The following ALDH1A2 variants were observed in gnomAD, a reference collection of about 807,000 sequenced individuals.
ALDH1A2 encodes the protein aldehyde dehydrogenase 1 family member A2, also known as retinal dehydrogenase 2.
ALDH1A2 carries 27 observed loss-of-function variants against 60.3 expected under a neutral mutation model. The observed-to-expected ratio is 0.45, with a 90% CI of 0.33 to 0.62. ALDH1A2 has a LOEUF of 0.62. ALDH1A2 is among the 20% of genes least tolerant of loss of function. The pLI, the probability that ALDH1A2 is intolerant of heterozygous loss-of-function variation, is 0.02. For missense variants in ALDH1A2, 581 were observed against 643.8 expected (o/e 0.90, Z 1.06); for synonymous variants, 289 against 232.4 (o/e 1.24, Z -2.21).
Position 57,967,607 on chromosome 15 carries a change from T to G in ALDH1A2, c.799-1780A>C, listed in dbSNP as rs7171189. ...ACTCTGCCTCCTCCTAAAAAAGATT[T>G]TGAAAATGTATCCCCATCCTGAGAA... On this transcript the variant is annotated intron_variant, in intron 7 of 12. Coordinates refer to ENST00000249750, the MANE Select transcript of ALDH1A2 (RefSeq NM_003888.4). Among the ~76,000 whole-genome samples the G allele has an allele frequency of 2.4e-3, 373 of 152,274 alleles. 1 individual carries two copies. Among genetic ancestry groups the G allele is most frequent in the African/African-American group, 8.6e-3 (357 of 41,540 alleles).
intron 1 of ALDH1A2, among the ~76,000 whole-genome samples, chr15:58,025,096 TTAA>T (rs1438238332): frequency 1.3e-5 from 2 of 151,952 alleles, no homozygotes; most frequent in African/African-American, 4.8e-5. Flanking sequence ...AGATTATAAA[TTAA>T]TAATCTTTAT....
At position 58,065,522 on chromosome 15, in the gene ALDH1A2, GC is replaced by G; in HGVS notation, c.117+11del. 1 of 1,605,048 alleles carries G rather than the reference GC, an allele frequency of 6.2e-7. No individual in the cohort carries two copies. The highest frequency in any genetic ancestry group is 1.1e-5 in the South Asian group (1 of 90,902). Reference sequence around the variant, plus strand: ...AGTCTCCGTGGACGACGGGCGCTGGGCGGCCGCTTACCTTGGTGTACTTAAT... The same window carrying G: ...AGTCTCCGTGGACGACGGGCGCTGGGGGCCGCTTACCTTGGTGTACTTAAT... On this transcript the variant is annotated intron_variant, in intron 1 of 12. Coordinates refer to ENST00000249750, the MANE Select transcript of ALDH1A2 (RefSeq NM_003888.4).
rs4646634 is a variant in ALDH1A2, at chr15:57,960,653, G to A, written c.1484+117C>T. Reference sequence around the variant, plus strand: ...TAGCTTATAGTAGCATGTGCTCCACGAAATGTTTGTTGAATGTATGGATGA... The same window carrying A: ...TAGCTTATAGTAGCATGTGCTCCACAAAATGTTTGTTGAATGTATGGATGA... On this transcript the variant is annotated intron_variant, in intron 12 of 12. Coordinates refer to ENST00000249750, the MANE Select transcript of ALDH1A2 (RefSeq NM_003888.4). 15,006 of 866,160 alleles carry A rather than the reference G, an allele frequency of 0.017. 435 individuals are homozygous for A. The highest frequency in any genetic ancestry group is 0.1 in the African/African-American group (6,214 of 59,996). The allele number at this position is 866,160 out of a possible 1,614,324, so 53.7% of individuals were successfully genotyped here.
chr15:58,017,365 G>C (rs1021114717), intron 1 of ALDH1A2, among the ~76,000 whole-genome samples: 3 of 152,166 alleles, frequency 2.0e-5, no homozygotes, highest in African/African-American at 7.2e-5. Context: ...GGAACAGACA[G>C]ACATTATGTA....
chr15:58,040,286 T>C (rs1896484783), intron 1 of ALDH1A2, among the ~76,000 whole-genome samples: 1 of 151,864 alleles, frequency 6.6e-6, no homozygotes, highest in South Asian at 2.1e-4. Context: ...GTTTGATAAG[T>C]ACATTCTTTC....
intron 1 of ALDH1A2, among the ~76,000 whole-genome samples, chr15:58,020,095 T>C (rs761214084): frequency 6.6e-6 from 1 of 152,026 alleles, no homozygotes; most frequent in Non-Finnish European, 1.5e-5. Flanking sequence ...TTTCTGTTCC[T>C]GTGTTAGTTT....
intron 4 of ALDH1A2, among the ~76,000 whole-genome samples, chr15:58,004,568 C>G (rs977916544): frequency 6.6e-6 from 1 of 151,444 alleles, no homozygotes; most frequent in Non-Finnish European, 1.5e-5. Flanking sequence ...TAAGTGAAAG[C>G]ATGTGGTATT....
At chr15:58,021,584 T>TC (rs1328844758) in intron 1 of ALDH1A2, among the ~76,000 whole-genome samples, 1 of 152,204 alleles carries the variant, frequency 6.6e-6, no homozygotes, top group African/African-American at 2.4e-5. Flanking sequence ...ATGGAACTGC[T>TC]CCTAGGAGAG....
intron 1 of ALDH1A2, among the ~76,000 whole-genome samples, chr15:58,025,138 C>G (rs150689303): frequency 1.3e-5 from 2 of 151,596 alleles, no homozygotes. Context: ...TAGAAAAACG[C>G]GAAGAAACCA....
At chr15:57,960,480 A>G (rs1357029199) in intron 12 of ALDH1A2, among the ~76,000 whole-genome samples, 1 of 152,160 alleles carries the variant, frequency 6.6e-6, no homozygotes, top group Non-Finnish European at 1.5e-5. Flanking sequence ...GTCAAAATTA[A>G]TTGATTTTTC....
intron 7 of ALDH1A2, among the ~76,000 whole-genome samples, chr15:57,983,731 C>T (rs1184952370): frequency 6.6e-6 from 1 of 152,162 alleles, no homozygotes; most frequent in Non-Finnish European, 1.5e-5. Flanking sequence ...TCCCATAACA[C>T]ACCACACTCT....
At chr15:57,971,810 C>G (rs1188785551) in intron 7 of ALDH1A2, among the ~76,000 whole-genome samples, 1 of 152,206 alleles carries the variant, frequency 6.6e-6, no homozygotes, top group African/African-American at 2.4e-5. Context: ...CTGCATCCTT[C>G]AACTCCTTGG....
intron 1 of ALDH1A2, among the ~76,000 whole-genome samples, chr15:58,064,822 T>C (rs1344258928): frequency 3.3e-5 from 5 of 151,522 alleles, no homozygotes; most frequent in African/African-American, 9.7e-5. Context: ...ACAACAAAAA[T>C]CCTGCTTAGC....
intron 7 of ALDH1A2, among the ~76,000 whole-genome samples, chr15:57,974,408 G>A (rs1050356499): frequency 1.4e-5 from 2 of 147,172 alleles, no homozygotes; most frequent in African/African-American, 2.5e-5. Flanking sequence ...ACTCCAGCCT[G>A]GGTGACAGAG....
chr15:58,029,262 A>G (rs1287491017), intron 1 of ALDH1A2, among the ~76,000 whole-genome samples: 2 of 152,216 alleles, frequency 1.3e-5, no homozygotes, highest in Non-Finnish European at 2.9e-5. Context: ...GCATAACTAC[A>G]TGGAAACTGA....
intron 4 of ALDH1A2, among the ~76,000 whole-genome samples, chr15:58,007,252 T>G (rs1241700334): frequency 6.6e-6 from 1 of 152,010 alleles, no homozygotes; most frequent in African/African-American, 2.4e-5. Context: ...TAGTTCCATA[T>G]TTGCTAATTC....
intron 7 of ALDH1A2, among the ~76,000 whole-genome samples, chr15:57,971,275 C>A (rs1894058208): frequency 6.6e-6 from 1 of 152,154 alleles, no homozygotes; most frequent in Non-Finnish European, 1.5e-5. Flanking sequence ...ACTCTTTCAC[C>A]TCCTCTGAGA....
intron 7 of ALDH1A2, among the ~76,000 whole-genome samples, chr15:57,975,106 T>C (rs888176705): frequency 4.6e-5 from 7 of 152,222 alleles, no homozygotes; most frequent in Non-Finnish European, 7.3e-5. Context: ...GTCTTAAACA[T>C]TGCTGGTAGG....
chr15:58,026,946 T>C (rs767424730), intron 1 of ALDH1A2, among the ~76,000 whole-genome samples: 6 of 152,196 alleles, frequency 3.9e-5, no homozygotes, highest in South Asian at 2.1e-4. Context: ...GGGCAGGGCA[T>C]AGCTGAACAA....
Sources: gnomAD v4.1 joint callset for allele counts (sites outside exome capture counted in the v4.1 genomes callset) on GRCh38, gnomAD v4.1.1 for gene constraint, MANE v1.5 for transcripts, NCBI Gene and HGNC (gene_info 2026-07-23, HGNC 2026-07-21) for gene names.